The following CABLES1 variants were observed in gnomAD, a reference collection of about 807,000 sequenced individuals.
CABLES1 encodes Cdk5 and Abl enzyme substrate 1, also known as CDK5 and ABL1 enzyme substrate 1.
Under a neutral mutation model 57.8 loss-of-function variants are expected in CABLES1, and 36 were observed. That is an observed-to-expected ratio of 0.62 (90% CI 0.48 to 0.82). The LOEUF (loss-of-function observed/expected upper bound fraction) is 0.82. Among genes scored for constraint, CABLES1 ranks in the 40% least tolerant of loss-of-function variants. The pLI, the probability that CABLES1 is intolerant of heterozygous loss-of-function variation, is 0.00. For synonymous variants in CABLES1, 374 were observed against 363.0 expected (o/e 1.03, Z -0.35); for missense variants, 767 against 836.6 (o/e 0.92, Z 1.03).
At chr18:23,226,550 T>G (rs768549183) in intron 4 of CABLES1, among the ~76,000 whole-genome samples, 13 of 152,172 alleles carry the variant, frequency 8.5e-5, no homozygotes, top group Admixed American at 2.0e-4. Context: ...TTGGGCTGAT[T>G]CAGTTACATT....
chr18:23,159,478 G>T (rs185506914), intron 1 of CABLES1, among the ~76,000 whole-genome samples: 1 of 152,182 alleles, frequency 6.6e-6, no homozygotes, highest in Non-Finnish European at 1.5e-5. Context: ...AGAGAGAAAG[G>T]CACCTTTCCT....
At chr18:23,248,180 G>A (rs1201770169) in intron 7 of CABLES1, among the ~76,000 whole-genome samples, 1 of 152,260 alleles carries the variant, frequency 6.6e-6, no homozygotes, top group African/African-American at 2.4e-5. Context: ...AAATGGGTCA[G>A]GGAGTGTGGC....
chr18:23,160,290 A>G (rs1376080911), intron 1 of CABLES1, among the ~76,000 whole-genome samples: 2 of 152,090 alleles, frequency 1.3e-5, no homozygotes, highest in Non-Finnish European at 2.9e-5. Context: ...CAGCCTCCCA[A>G]AGTGCTGGGA....
In CABLES1 at chr18:23,151,987, C is replaced by T. The variant is rs139897492; in HGVS notation, c.845+15380C>T. On this transcript the variant is annotated intron_variant, in intron 1 of 9. Transcript: ENST00000256925. The stretch of plus-strand genomic sequence containing the variant: ...AGGCACAATGGAGATGGATTAGATA[C>T]GGAGCAGGGGGAGTGGAAGGCATTG... Among the ~76,000 whole-genome samples, 79 of 152,254 alleles carry T rather than the reference C, an allele frequency of 5.2e-4. 1 individual carries two copies. The East Asian group carries it at 0.013, about 24-fold the overall frequency.
chr18:23,196,336 G>A (rs1023152395), intron 3 of CABLES1, among the ~76,000 whole-genome samples: 8 of 152,278 alleles, frequency 5.3e-5, no homozygotes, highest in South Asian at 2.1e-4. Flanking sequence ...ACGGCGGGTC[G>A]TATGCCCAGG....
intron 4 of CABLES1, among the ~76,000 whole-genome samples, chr18:23,232,455 T>G (rs12458347): frequency 6.8e-4 from 104 of 152,330 alleles, no homozygotes; most frequent in Non-Finnish European, 1.3e-3. Flanking sequence ...GTATTTTTGC[T>G]TCATTGCCTT....
intron 1 of CABLES1, among the ~76,000 whole-genome samples, chr18:23,172,696 G>A (rs116299633): frequency 0.031 from 4,773 of 152,250 alleles, 249 homozygotes; most frequent in African/African-American, 0.11. Context: ...AATCCACATT[G>A]CATCCAAGTG....
intron 1 of CABLES1, among the ~76,000 whole-genome samples, chr18:23,168,821 T>C (rs1031087894): frequency 1.3e-5 from 2 of 152,150 alleles, no homozygotes; most frequent in African/African-American, 4.8e-5. Context: ...CAGACCTGTG[T>C]GAGTGCCCAT....
chr18:23,212,973 G>A (rs2047415500), intron 3 of CABLES1, among the ~76,000 whole-genome samples: 1 of 152,182 alleles, frequency 6.6e-6, no homozygotes, highest in Non-Finnish European at 1.5e-5. Flanking sequence ...AAGTACTTCA[G>A]CACGGGTAGA....
intron 9 of CABLES1, among the ~76,000 whole-genome samples, chr18:23,255,726 ATTTT>A (rs768373815): frequency 6.6e-6 from 1 of 151,482 alleles, no homozygotes; most frequent in African/African-American, 2.4e-5. Context: ...CGCCTGGCTA[ATTTT>A]TTTTATTTTT....
intron 1 of CABLES1, among the ~76,000 whole-genome samples, chr18:23,165,028 CT>C (rs1654225079): frequency 1.3e-5 from 2 of 152,170 alleles, no homozygotes; most frequent in Admixed American, 1.3e-4. Flanking sequence ...CCACCTCAGC[CT>C]CCCAAAGTGC....
intron 4 of CABLES1, among the ~76,000 whole-genome samples, chr18:23,230,390 A>C (rs1194029280): frequency 6.6e-6 from 1 of 152,140 alleles, no homozygotes; most frequent in Non-Finnish European, 1.5e-5. Context: ...AACAAAAAAA[A>C]CCTATAAGAA....
chr18:23,253,133 G>A, intron 8 of CABLES1, 67 bp downstream of exon 8: 1 of 888,134 alleles, frequency 1.1e-6, no homozygotes. Context: ...CCGTAAGCTT[G>A]TCATCTGTCC....
At chr18:23,165,309 G>T (rs560639962) in intron 1 of CABLES1, among the ~76,000 whole-genome samples, 66 of 152,056 alleles carry the variant, frequency 4.3e-4, no homozygotes, top group African/African-American at 1.5e-3. Context: ...TGTTGCTTAG[G>T]CTGGTCTCAA....
chr18:23,145,013 G>A (rs1380608686), intron 1 of CABLES1, among the ~76,000 whole-genome samples: 1 of 150,328 alleles, frequency 6.7e-6, no homozygotes, highest in Non-Finnish European at 1.5e-5. Context: ...TCGGCTCACT[G>A]CAACCTCCGC....
rs200601183 is a variant in CABLES1 at position 23,144,930 on chromosome 18, TTTTC to T, written c.845+8331_845+8334del. On this transcript the variant is annotated intron_variant, in intron 1 of 9. Coordinates refer to ENST00000256925, the MANE Select transcript of CABLES1 (RefSeq NM_001100619.3). ...AGGCTTTACCACACATCCTTTTTTT[TTTTC>T]TTTCTTTTTTTTTTTCTTTGAGACG... Among the ~76,000 whole-genome samples the T allele has an allele frequency of 6.9e-3, 1,046 of 151,874 alleles. 7 individuals carry two copies. Among genetic ancestry groups the T allele is most frequent in the African/African-American group, 0.023 (942 of 41,340 alleles).
intron 1 of CABLES1, among the ~76,000 whole-genome samples, chr18:23,187,077 C>A (rs2047208202): frequency 6.6e-6 from 1 of 152,184 alleles, no homozygotes. Flanking sequence ...GCGGGGAAGT[C>A]CTGTCTACTC....
intron 7 of CABLES1, among the ~76,000 whole-genome samples, chr18:23,250,449 C>T (rs1263324281): frequency 1.3e-5 from 2 of 152,188 alleles, no homozygotes; most frequent in African/African-American, 2.4e-5. Context: ...GATGTGGCCC[C>T]CATTCTACTG....
intron 1 of CABLES1, among the ~76,000 whole-genome samples, chr18:23,154,338 A>G (rs1165644454): frequency 6.6e-6 from 1 of 152,172 alleles, no homozygotes; most frequent in African/African-American, 2.4e-5. Context: ...CTCCACATAC[A>G]GCAGCAGTTA....
Sources: allele counts gnomAD v4.1 joint callset (sites outside exome capture counted in the v4.1 genomes callset), GRCh38; gene constraint gnomAD v4.1.1; transcripts MANE v1.5; gene names NCBI Gene and HGNC (gene_info 2026-07-23, HGNC 2026-07-21).